The following TMEM132D variants were observed in gnomAD, a reference collection of about 807,000 sequenced individuals.
The protein encoded by TMEM132D is transmembrane protein 132D.
Under a neutral mutation model 62.3 loss-of-function variants are expected in TMEM132D, and 21 were observed. That is an observed-to-expected ratio of 0.34 (90% CI 0.24 to 0.49). The LOEUF is 0.49. Ranked by LOEUF, TMEM132D falls within the 20% of genes least tolerant of loss-of-function variation. The pLI is 0.99. For missense variants in TMEM132D, 1,346 were observed against 1,402.8 expected (o/e 0.96, Z 0.65); for synonymous variants, 621 against 575.6 (o/e 1.08, Z -1.13).
At chr12:129,432,139 A>T (rs531796697) in intron 3 of TMEM132D, among the ~76,000 whole-genome samples, 43 of 146,192 alleles carry the variant, frequency 2.9e-4, no homozygotes, top group African/African-American at 9.5e-4. Context: ...GGATGGATGG[A>T]TGGATGGATG....
At chr12:129,441,794 C>A (rs1445071945) in intron 3 of TMEM132D, among the ~76,000 whole-genome samples, 3 of 152,306 alleles carry the variant, frequency 2.0e-5, no homozygotes, top group Admixed American at 6.5e-5. Context: ...ACTGTGGAAT[C>A]TTACACAGTG....
chr12:129,297,824 C>T (rs931924266), intron 4 of TMEM132D, among the ~76,000 whole-genome samples: 4 of 152,104 alleles, frequency 2.6e-5, no homozygotes, highest in East Asian at 1.9e-4. Context: ...CGGCTGGGGA[C>T]GCTGCTCTCC....
rs145433312 is a variant in TMEM132D at position 129,762,317 on chromosome 12, C to A, written c.80-61619G>T. On this transcript the variant is annotated intron_variant, in intron 1 of 8. Coordinates refer to ENST00000422113, the MANE Select transcript of TMEM132D (RefSeq NM_133448.3). ...TAGTCCCAATGGGAACATGAGCTGC[C>A]ACTCTCTGCTTGGTTAAGATGGGCA... 4.6e-3 allele frequency among the ~76,000 whole-genome samples: 698 copies of A among 152,016 alleles called. 8 individuals are homozygous for A. Among genetic ancestry groups the A allele is most frequent in the African/African-American group, 0.016 (647 of 41,466 alleles).
At chr12:129,183,260 G>A (rs1878117208) in intron 5 of TMEM132D, among the ~76,000 whole-genome samples, 2 of 152,242 alleles carry the variant, frequency 1.3e-5, no homozygotes, top group South Asian at 2.1e-4. Context: ...CAGTCAACAC[G>A]TGGCTGAGCC....
intron 1 of TMEM132D, among the ~76,000 whole-genome samples, chr12:129,820,401 T>G (rs1266455696): frequency 6.6e-6 from 1 of 152,204 alleles, no homozygotes; most frequent in African/African-American, 2.4e-5. Context: ...TATTCGAGTC[T>G]GGCAGAGCTA....
At chr12:129,744,406 AAGG>A (rs1305802680) in intron 1 of TMEM132D, among the ~76,000 whole-genome samples, 1 of 152,280 alleles carries the variant, frequency 6.6e-6, no homozygotes, top group African/African-American at 2.4e-5. Context: ...TGGGTGTGGG[AAGG>A]AGATTTCATA....
intron 3 of TMEM132D, among the ~76,000 whole-genome samples, chr12:129,483,774 T>G (rs1021433): frequency 0.34 from 52,140 of 152,010 alleles, 10,470 homozygotes; most frequent in African/African-American, 0.56. Flanking sequence ...TAGGGGGCAT[T>G]TCATGGCTGC....
chr12:129,900,697 C>T (rs147077003), intron 1 of TMEM132D, among the ~76,000 whole-genome samples: 1,547 of 152,272 alleles, frequency 0.01, 66 homozygotes, highest in Admixed American at 0.081. Context: ...ACACCTGCCC[C>T]CTCCCATAAA....
chr12:129,427,989 T>C (rs1317969130), intron 3 of TMEM132D, among the ~76,000 whole-genome samples: 1 of 152,118 alleles, frequency 6.6e-6, no homozygotes, highest in Non-Finnish European at 1.5e-5. Context: ...AATTTCTCCA[T>C]GGGAAATTTA....
rs532192509 is a variant in TMEM132D, at chr12:129,258,756, A to T, written c.1300-49093T>A. On this transcript the variant is annotated intron_variant, in intron 4 of 8. Coordinates refer to ENST00000422113, the MANE Select transcript of TMEM132D (RefSeq NM_133448.3). ...GCTTGAAGGGTACTGGACATGGATC[A>T]CCTACTTTTAAGGAACTTATAGTGA... Among the ~76,000 whole-genome samples, 9 of 152,364 alleles carry T rather than the reference A, an allele frequency of 5.9e-5. No individual in the cohort carries two copies. The East Asian group carries it at 1.7e-3, about 29-fold the overall frequency.
intron 1 of TMEM132D, among the ~76,000 whole-genome samples, chr12:129,893,083 G>T (rs568425260): frequency 1.3e-4 from 20 of 152,124 alleles, no homozygotes; most frequent in African/African-American, 4.1e-4. Context: ...CATCATGTTG[G>T]CCAGGCTGGT....
Position 129,867,753 on chromosome 12 carries a change from A to G in TMEM132D, c.79+35508T>C, listed in dbSNP as rs1486479228. 1.3e-5 allele frequency among the ~76,000 whole-genome samples: 2 copies of G among 152,220 alleles called. No individual in the cohort carries two copies. Among genetic ancestry groups the G allele is most frequent in the Non-Finnish European group, 2.9e-5 (2 of 68,026 alleles). On this transcript the variant is annotated intron_variant, in intron 1 of 8. Transcript: ENST00000422113. This position sits in a 1 kb window ranked among gnomAD's most constrained non-coding sequence, Gnocchi z 4.5. ...AATAGATACAATTTTTGTCAATTTT[A>G]CCTCAATAAAGCTTAAAAGCTAAAA...
chr12:129,336,956 C>T (rs1396938880), intron 4 of TMEM132D, among the ~76,000 whole-genome samples: 7 of 152,178 alleles, frequency 4.6e-5, no homozygotes, highest in Admixed American at 6.5e-5. Context: ...GCAAAGGGCA[C>T]GGCCGTCTCA....
chr12:129,693,857 T>C lies in TMEM132D; in HGVS notation c.968+5953A>G, dbSNP rs181533976. ...CGATGTATGCGACGTATGAACAAGCTTGTGCAGCTACTGCGCATGTGCACC... is the reference window on the plus strand; with the variant it reads ...CGATGTATGCGACGTATGAACAAGCCTGTGCAGCTACTGCGCATGTGCACC... On this transcript the variant is annotated intron_variant, in intron 2 of 8. Transcript: ENST00000422113. 2.7e-3 allele frequency among the ~76,000 whole-genome samples: 409 copies of C among 152,288 alleles called. 4 individuals carry two copies. Among genetic ancestry groups the C allele is most frequent in the African/African-American group, 9.2e-3 (382 of 41,558 alleles).
At chr12:129,706,903 T>C (rs1881518957) in intron 1 of TMEM132D, among the ~76,000 whole-genome samples, 1 of 151,726 alleles carries the variant, frequency 6.6e-6, no homozygotes, top group African/African-American at 2.4e-5. Flanking sequence ...CTGCTAATAA[T>C]GGCAATACTA....
At chr12:129,434,632 G>T (rs1239084529) in intron 3 of TMEM132D, among the ~76,000 whole-genome samples, 2 of 151,766 alleles carry the variant, frequency 1.3e-5, no homozygotes, top group East Asian at 2.0e-4. Context: ...CATGTAAAAA[G>T]GAGACGCAGA....
chr12:129,575,642 A>G (rs1021052329), intron 2 of TMEM132D, among the ~76,000 whole-genome samples: 1 of 151,750 alleles, frequency 6.6e-6, no homozygotes, highest in African/African-American at 2.4e-5. Flanking sequence ...TAGTGGTCAG[A>G]TTGGACTTTT....
chr12:129,590,470 C>A (rs1480817360), intron 2 of TMEM132D, among the ~76,000 whole-genome samples: 2 of 152,170 alleles, frequency 1.3e-5, no homozygotes, highest in Non-Finnish European at 2.9e-5. Context: ...TGCTTCCAAA[C>A]GTTATTTCAC....
intron 3 of TMEM132D, among the ~76,000 whole-genome samples, chr12:129,475,755 GAC>G (rs1874235920): frequency 6.6e-6 from 1 of 152,220 alleles, no homozygotes; most frequent in South Asian, 2.1e-4. Flanking sequence ...AGAGCTGCAG[GAC>G]ACAGTGAAGG....
Sources: gnomAD v4.1 joint callset for allele counts (sites outside exome capture counted in the v4.1 genomes callset) on GRCh38, gnomAD v4.1.1 for gene constraint, Gnocchi (gnomAD v3.1) non-coding constraint, MANE v1.5 for transcripts, NCBI Gene and HGNC (gene_info 2026-07-23, HGNC 2026-07-21) for gene names.